The following TTN variants were observed in gnomAD, a reference collection of about 807,000 sequenced individuals.
The protein encoded by TTN is connectin.
A neutral mutation model predicts 3,223.0 loss-of-function variants in TTN; 1,525 were observed. The observed-to-expected ratio is 0.47, with a 90% CI of 0.45 to 0.49. TTN has a LOEUF of 0.49. TTN is among the 20% of genes least tolerant of loss of function. The pLI is 0.00. For missense variants in TTN, 40,786 were observed against 43,424.0 expected, an observed-to-expected ratio of 0.94 and a Z score of 5.40; for synonymous variants, 14,094 against 15,161.0, an observed-to-expected ratio of 0.93 and a Z score of 5.17.
At position 178,535,651 on chromosome 2, in the gene TTN, A is replaced by T. The variant is rs1032594285; in HGVS notation, c.100964T>A (p.Phe33655Tyr). The change falls in exon 358 of 363, where the codon TTC (phenylalanine) becomes TAC (tyrosine). Residue 33655 changes from phenylalanine to tyrosine, a missense_variant. Phe to Tyr is a conservative substitution (Grantham distance 22, BLOSUM62 3). Coordinates refer to ENST00000589042, the MANE Select transcript of TTN (RefSeq NM_001267550.2). Reference protein sequence around the residue: ...IVTRSFTSLVFPNGVERKDAG... With the variant: ...IVTRSFTSLVYPNGVERKDAG... Reference sequence around the variant, plus strand: ...ATCTTTTCTCTCTACCCCATTGGGGAAAACAAGTGATGTGAAGGATCTTGT... The same window carrying T: ...ATCTTTTCTCTCTACCCCATTGGGGTAAACAAGTGATGTGAAGGATCTTGT... 6.2e-7 allele frequency: 1 copy of T among 1,613,838 alleles called. No homozygotes were observed. Among genetic ancestry groups the T allele is most frequent in the East Asian group, 2.2e-5 (1 of 44,882 alleles).
intron 13 of TTN, among the ~76,000 whole-genome samples, chr2:178,788,246 C>T (rs181264251): frequency 7.2e-5 from 11 of 152,166 alleles, no homozygotes; most frequent in South Asian, 2.1e-4. Context: ...TAGTCATTGG[C>T]GGTGTGGCTG....
intron 307 of TTN, 144 bp downstream of exon 307, chr2:178,586,974 C>A: frequency 6.6e-6 from 9 of 1,368,166 alleles, no homozygotes; most frequent in Non-Finnish European, 9.1e-6. Context: ...AAAAGTGTTT[C>A]ATGAGTGAGA....
In TTN at chr2:178,782,196, T is replaced by C. The variant is rs2092844506; in HGVS notation, c.3380+16A>G. 1.2e-6 allele frequency: 2 copies of C among 1,613,686 alleles called. No homozygotes were observed. The highest frequency in any genetic ancestry group is 1.1e-5 in the South Asian group (1 of 91,072). ...ATACAAGTCACAGAGAACTCTATAT[T>C]CAGCCATCAAAATACCTGTATCCAG... On this transcript the variant is annotated intron_variant, in intron 20 of 362. Transcript: ENST00000589042.
chr2:178,572,012 A>T lies in TTN; in HGVS notation c.74120T>A (p.Val24707Glu), dbSNP rs780299418. ...TGGAATGACAAGATCTTTGGCGATC[A>T]CTGGCACACTCAGTTGTCTAGGATC... ...ISDPRQLSVP[V>E]IAKDLVIPPA... Residue 24707 changes from valine (V) to glutamate (E), a missense_variant, in exon 326 of 363, where the codon GTG becomes GAG. Physicochemically the swap from Val to Glu is moderately radical, Grantham distance 121. Coordinates refer to ENST00000589042, the MANE Select transcript of TTN (RefSeq NM_001267550.2). 1.2e-6 allele frequency: 2 copies of T among 1,613,184 alleles called. No individual in the cohort carries two copies. The highest frequency in any genetic ancestry group is 1.7e-6 in the Non-Finnish European group (2 of 1,179,582).
In TTN at chr2:178,724,530, C is replaced by G; in HGVS notation, c.20845G>C (p.Val6949Leu). The G allele has an allele frequency of 6.3e-7, 1 of 1,584,612 alleles. No individual in the cohort carries two copies. The change falls in exon 72 of 363, where the codon GTC (valine) becomes CTC (leucine). Residue 6949 changes from valine to leucine, a missense_variant. By Grantham distance (32) the Val-to-Leu change is conservative. Transcript: ENST00000589042. Reference protein sequence around the residue: ...MATLMVLEPAVIVEKAGPMTV... With the variant: ...MATLMVLEPALIVEKAGPMTV... ...ATCGGTCCTGCCTTCTCAACAATGACTGCGGGCTCTGAAATAAAACGTGAT... is the reference window on the plus strand; with the variant it reads ...ATCGGTCCTGCCTTCTCAACAATGAGTGCGGGCTCTGAAATAAAACGTGAT...
In TTN at chr2:178,554,725, A is replaced by G. The variant is rs768292510; in HGVS notation, c.88622T>C (p.Ile29541Thr). ...LDKPGPPGGP[I>T]EFKTVTAEKI... is the part of the protein sequence containing the mutation. ...CTCAGCAGTTACAGTCTTAAATTCA[A>G]TTGGTCCACCAGGTGGGCCTGGTTT... The change falls in exon 332 of 363, where the codon ATT (isoleucine) becomes ACT (threonine). Residue 29541 changes from isoleucine (I) to threonine (T), a missense_variant. Coordinates refer to ENST00000589042, the MANE Select transcript of TTN (RefSeq NM_001267550.2). 3.3e-5 allele frequency: 54 copies of G among 1,613,748 alleles called. No homozygotes were observed. Among genetic ancestry groups the G allele is most frequent in the Middle Eastern group, 1.6e-4 (1 of 6,076 alleles).
At chr2:178,555,209 A>T in intron 330 of TTN, 57 bp from the exon 331 acceptor site, 1 of 1,509,562 alleles carries the variant, frequency 6.6e-7, no homozygotes, top group South Asian at 1.2e-5. Context: ...AAAAAAAAAT[A>T]GTTGCACCAA....
Position 178,535,119 on chromosome 2 carries a change from A to G in TTN, c.101496T>C (p.Ile33832=). ...AGGATGTTTCAACACAACGATGGAC[A>G]ATTCCAAACTCACCACGCCCAAGAT... ...AEDLGRGEFG[I]VHRCVETSSK... The change falls in exon 358 of 363, where the codon ATT becomes ATC. Residue 33832 remains isoleucine, a synonymous_variant. Transcript: ENST00000589042. 6.2e-7 allele frequency: 1 copy of G among 1,613,848 alleles called. No homozygotes were observed. The highest frequency in any genetic ancestry group is 1.1e-5 in the South Asian group (1 of 91,080).
In TTN at chr2:178,712,966, G is replaced by T; in HGVS notation, c.27059C>A (p.Ser9020Tyr). 1 of 1,612,282 alleles carries T rather than the reference G, an allele frequency of 6.2e-7. No individual in the cohort carries two copies. Among genetic ancestry groups the T allele is most frequent in the South Asian group, 1.1e-5 (1 of 90,936 alleles). ...SAPLTVREPPSFVQKPDPMDV... is the reference protein window; with the variant it reads ...SAPLTVREPPYFVQKPDPMDV... ...CATGGGATCAGGTTTCTGAACAAAA[G>T]ATGGTGGTTCTAAACACAAAAGCAC... is the stretch of plus-strand genomic sequence containing the variant. The change falls in exon 94 of 363, where the codon TCT (serine) becomes TAT (tyrosine). Residue 9020 changes from serine (S) to tyrosine (Y), a missense_variant. Ser to Tyr is a moderately radical substitution (Grantham distance 144). Coordinates refer to ENST00000589042, the MANE Select transcript of TTN (RefSeq NM_001267550.2).
At position 178,526,434 on chromosome 2, in the gene TTN, A is replaced by G. The variant is rs998843441; in HGVS notation, c.*578T>C. On this transcript the variant is annotated 3_prime_UTR_variant, in exon 363 of 363. Transcript: ENST00000589042. ...ACACTTTGCTCTGGTAATATTTGTC[A>G]TGATAATTTTGTGTGACATCATCAG... The G allele has an allele frequency of 1.2e-4, 18 of 152,656 alleles. No homozygotes were observed. The highest frequency in any genetic ancestry group is 4.1e-4 in the African/African-American group (17 of 41,464). 9.5% of individuals were successfully genotyped at this position (152,656 alleles called of 1,614,324 possible).
Position 178,594,493 on chromosome 2 carries a change from A to T in TTN, c.58001T>A (p.Val19334Asp), listed in dbSNP as rs546716167. The change falls in exon 296 of 363, where the codon GTT becomes GAT. Residue 19334 changes from valine to aspartate, a missense_variant. By Grantham distance (152) the Val-to-Asp change is radical. Coordinates refer to ENST00000589042, the MANE Select transcript of TTN (RefSeq NM_001267550.2). The part of the protein sequence containing the change: ...RLIGTEKFHK[V>D]TNDNLLSRKY... The stretch of plus-strand genomic sequence containing the variant: ...TCTGCTAAGCAAGTTGTCATTTGTA[A>T]CTTTGTGGAACTTCTCAGTCCCAAT... The T allele has an allele frequency of 8.7e-6, 14 of 1,613,384 alleles. No individual in the cohort carries two copies. The South Asian group carries it at 1.4e-4, about 16-fold the overall frequency.
In TTN at chr2:178,667,543, T is replaced by C. The variant is rs745840024; in HGVS notation, c.35630-18A>G. ...CTCAGGCACTTAAAAGATATGAGTATAGTTATATTTATAAATGGTGAAGAA... is the reference window on the plus strand; with the variant it reads ...CTCAGGCACTTAAAAGATATGAGTACAGTTATATTTATAAATGGTGAAGAA... On this transcript the variant is annotated intron_variant, in intron 160 of 362. Coordinates refer to ENST00000589042, the MANE Select transcript of TTN (RefSeq NM_001267550.2). The C allele has an allele frequency of 9.5e-6, 15 of 1,585,822 alleles. No individual in the cohort carries two copies. Among genetic ancestry groups the C allele is most frequent in the Non-Finnish European group, 1.2e-5 (14 of 1,174,344 alleles).
Position 178,564,379 on chromosome 2 carries a change from A to T in TTN, c.81753T>A (p.Ala27251=), listed in dbSNP as rs780512171. 1.2e-6 allele frequency: 2 copies of T among 1,613,696 alleles called. No individual in the cohort carries two copies. The highest frequency in any genetic ancestry group is 1.7e-6 in the Non-Finnish European group (2 of 1,179,760). The change falls in exon 326 of 363, where the codon GCT becomes GCA. Residue 27251 remains alanine (A), a synonymous_variant. Transcript: ENST00000589042. ...YEFRVIARNA[A]GNFSEPSDSS... is the part of the protein sequence containing the mutation. ...TATCAGATGGTTCACTAAAGTTTCC[A>T]GCTGCATTTCTTGCAATTACTCTAA... is the stretch of plus-strand genomic sequence containing the variant.
At chr2:178,626,361 C>G (rs2059055254) in intron 240 of TTN, among the ~76,000 whole-genome samples, 1 of 151,942 alleles carries the variant, frequency 6.6e-6, no homozygotes, top group Non-Finnish European at 1.5e-5. Flanking sequence ...AATGGTGCGA[C>G]AGATAGGGGT....
chr2:178,613,800 C>G lies in TTN; in HGVS notation c.49483G>C (p.Asp16495His), dbSNP rs1424817630. The change falls in exon 263 of 363, where the codon GAT becomes CAT. Residue 16495 changes from aspartate (D) to histidine (H), a missense_variant. Coordinates refer to ENST00000589042, the MANE Select transcript of TTN (RefSeq NM_001267550.2). ...YWVERLDPDT[D>H]KWVRCNKMPV... The stretch of plus-strand genomic sequence containing the variant: ...ATCTTATTGCATCTAACCCATTTAT[C>G]TGTATCAGGATCCAGTCTTTCAACC... 1.9e-6 allele frequency: 3 copies of G among 1,612,570 alleles called. No homozygotes were observed. In the Admixed American group the frequency reaches 5.0e-5, roughly 27 times the overall value.
intron 152 of TTN, 45 bp from the exon 153 acceptor site, chr2:178,672,748 A>C (rs1471465495): frequency 2.0e-6 from 3 of 1,480,892 alleles, no homozygotes; most frequent in African/African-American, 1.4e-5. Context: ...ATGTTCAATA[A>C]CACACATGAA....
At position 178,546,800 on chromosome 2, in the gene TTN, A is replaced by G. The variant is rs749659528; in HGVS notation, c.94628T>C (p.Ile31543Thr). The G allele has an allele frequency of 6.8e-6, 11 of 1,613,446 alleles. No individual in the cohort carries two copies. The highest frequency in any genetic ancestry group is 3.3e-5 in the Admixed American group (2 of 59,976). The change falls in exon 341 of 363, where the codon ATA becomes ACA. Residue 31543 changes from isoleucine (I) to threonine (T), a missense_variant. By Grantham distance (89) the Ile-to-Thr change is moderately conservative. Transcript: ENST00000589042. ...DGGSKVVGYI[I>T]ERKPVSEVGD... is the part of the protein sequence containing the mutation. Reference sequence around the variant, plus strand: ...TACCTCACTGACTGGCTTACGCTCTATGATGTAGCCCACAACCTTGCTGCC... The same window carrying G: ...TACCTCACTGACTGGCTTACGCTCTGTGATGTAGCCCACAACCTTGCTGCC...
At chr2:178,781,764 TA>T (rs1286471227) in intron 20 of TTN, among the ~76,000 whole-genome samples, 1 of 152,226 alleles carries the variant, frequency 6.6e-6, no homozygotes, top group African/African-American at 2.4e-5. Context: ...AGCTAAATTT[TA>T]TATTGAATTG....
chr2:178,704,749 T>C lies in TTN; in HGVS notation c.29723A>G (p.Asn9908Ser). ...EPVTLIKDIE[N>S]QTVLKDNDAV... The stretch of plus-strand genomic sequence containing the variant: ...ATCATTATCTTTCAAAACTGTCTGA[T>C]TTTCAATGTCCTTGATCAGAGTGAC... Residue 9908 changes from asparagine (N) to serine (S), a missense_variant, in exon 105 of 363, where the codon AAT (asparagine) becomes AGT (serine). Transcript: ENST00000589042. The C allele has an allele frequency of 6.2e-7, 1 of 1,610,512 alleles. No homozygotes were observed. Among genetic ancestry groups the C allele is most frequent in the Non-Finnish European group, 8.5e-7 (1 of 1,179,480 alleles).
Sources: gnomAD v4.1 joint callset for allele counts (sites outside exome capture counted in the v4.1 genomes callset) on GRCh38, gnomAD v4.1.1 for gene constraint, MANE v1.5 for transcripts, NCBI Gene and HGNC (gene_info 2026-07-23, HGNC 2026-07-21) for gene names.